ROCK2: variants seen among roughly 807,000 people sequenced by gnomAD.
ROCK2 encodes the protein Rho associated coiled-coil containing protein kinase 2.
Under a neutral mutation model 195.1 loss-of-function variants are expected in ROCK2, and 61 were observed. The observed-to-expected ratio is 0.31, with a 90% CI of 0.25 to 0.39. ROCK2 has a LOEUF of 0.39. Ranked by LOEUF, ROCK2 falls within the 10% of genes least tolerant of loss-of-function variation. ROCK2 has a pLI of 1.00. For missense variants in ROCK2, 1,109 were observed against 1,637.4 expected (o/e 0.68, Z 5.57); for synonymous variants, 504 against 545.5 (o/e 0.92, Z 1.06).
Position 11,182,898 on chromosome 2 carries a change from G to A in ROCK2, c.*539C>T, listed in dbSNP as rs1466234756. On this transcript the variant is annotated 3_prime_UTR_variant, in exon 33 of 33. Transcript: ENST00000315872. ...CAGCAAGTAATGATATCTGATTAAT[G>A]TGTATAAAAAATAAAGTGGGAAGTT... is the stretch of plus-strand genomic sequence containing the variant. 6.6e-6 allele frequency: 1 copy of A among 152,412 alleles called. No homozygotes were observed. Among genetic ancestry groups the A allele is most frequent in the East Asian group, 1.9e-4 (1 of 5,196 alleles). 9.4% of individuals were successfully genotyped at this position (152,412 alleles called of 1,614,324 possible).
At chr2:11,345,402 G>A (rs1482585559), upstream of ROCK2, among the ~76,000 whole-genome samples, 1 of 152,226 alleles carries the variant, frequency 6.6e-6, no homozygotes, top group East Asian at 1.9e-4. Flanking sequence ...TGCCCTCTCG[G>A]CGGCCGGTGC....
Position 11,236,024 on chromosome 2 carries a change from C to T in ROCK2, c.463-62G>A, listed in dbSNP as rs566008360. The stretch of plus-strand genomic sequence containing the variant: ...CCCAAACCAAAAATCATAATCAGAA[C>T]AAAAATTTAAAAAACTATTATTACT... On this transcript the variant is annotated intron_variant, in intron 4 of 32. Coordinates refer to ENST00000315872, the MANE Select transcript of ROCK2 (RefSeq NM_004850.5). 1.5e-5 allele frequency: 21 copies of T among 1,381,410 alleles called. No individual in the cohort carries two copies. The African/African-American group carries it at 1.9e-4, about 12-fold the overall frequency. The allele number at this position is 1,381,410 out of a possible 1,614,324, so 85.6% of individuals were successfully genotyped here. A position where few individuals can be genotyped will look rare whatever the true frequency, so the allele number is the denominator to read the frequency against.
chr2:11,233,110 A>G (rs1016395999), intron 5 of ROCK2, among the ~76,000 whole-genome samples: 1 of 152,166 alleles, frequency 6.6e-6, no homozygotes. Context: ...GCTACTCAGG[A>G]GGCTAAGGAG....
chr2:11,245,383 A>G (rs1248231065), intron 4 of ROCK2, among the ~76,000 whole-genome samples: 2 of 152,022 alleles, frequency 1.3e-5, no homozygotes, highest in African/African-American at 4.8e-5. Context: ...CACAGTTAAC[A>G]CCTTATTTCT....
intron 1 of ROCK2, among the ~76,000 whole-genome samples, chr2:11,331,677 A>T (rs1668770584): frequency 6.6e-6 from 1 of 152,186 alleles, no homozygotes; most frequent in South Asian, 2.1e-4. Context: ...CTGTAATCCC[A>T]GCACTTTGGG....
intron 1 of ROCK2, among the ~76,000 whole-genome samples, chr2:11,320,701 A>G (rs1306366080): frequency 6.6e-6 from 1 of 152,262 alleles, no homozygotes; most frequent in Non-Finnish European, 1.5e-5. Flanking sequence ...AACTTTCAAG[A>G]CACTGGATAT....
At chr2:11,221,386 C>A in intron 8 of ROCK2, 29 bp from the exon 9 acceptor site, 1 of 1,480,446 alleles carries the variant, frequency 6.8e-7, no homozygotes, top group South Asian at 1.4e-5. Flanking sequence ...TAAATTATTT[C>A]ATTCACAACC....
intron 1 of ROCK2, among the ~76,000 whole-genome samples, chr2:11,326,032 T>C (rs757424988): frequency 3.9e-5 from 6 of 151,904 alleles, no homozygotes; most frequent in East Asian, 1.9e-4. Flanking sequence ...TTTGGAGCAA[T>C]AGGGGAAAAA....
chr2:11,287,455 T>C (rs1317943781), intron 2 of ROCK2, among the ~76,000 whole-genome samples, 200 bp downstream of exon 2: 1 of 152,180 alleles, frequency 6.6e-6, no homozygotes, highest in Non-Finnish European at 1.5e-5. Flanking sequence ...TTTATCTGCT[T>C]TGCATATTGT....
chr2:11,227,731 C>T (rs535120179), intron 5 of ROCK2, among the ~76,000 whole-genome samples: 57 of 152,140 alleles, frequency 3.7e-4, no homozygotes, highest in Admixed American at 8.5e-4. Flanking sequence ...GAGGTTAGTA[C>T]AAAATGTGGT....
intron 3 of ROCK2, among the ~76,000 whole-genome samples, chr2:11,276,214 T>C (rs1666822063): frequency 6.6e-6 from 1 of 152,188 alleles, no homozygotes; most frequent in African/African-American, 2.4e-5. Flanking sequence ...CCAGAGAAAT[T>C]AGATAATAAA....
Position 11,192,475 on chromosome 2 carries a change from C to T in ROCK2, c.3925G>A (p.Glu1309Lys). The change falls in exon 31 of 33, where the codon GAG (glutamate) becomes AAG (lysine). Residue 1309 changes from glutamate to lysine, a missense_variant. Glu to Lys is a moderately conservative substitution (Grantham distance 56). Transcript: ENST00000315872. This position sits in a 1 kb window ranked among gnomAD's most constrained non-coding sequence, Gnocchi z 5.0. Reference protein sequence around the residue: ...KCHKDHMDKKEEIIAPCKVYY... With the variant: ...KCHKDHMDKKKEIIAPCKVYY... ...CCTTTGCAAGGTGCTATAATCTCCT[C>T]CTTTTTGTCCATATGATCTTTATGA... is the stretch of plus-strand genomic sequence containing the variant. 6.2e-7 allele frequency: 1 copy of T among 1,614,122 alleles called. No individual in the cohort carries two copies. The highest frequency in any genetic ancestry group is 8.5e-7 in the Non-Finnish European group (1 of 1,179,992).
At chr2:11,231,797 G>A (rs1665021533) in intron 5 of ROCK2, among the ~76,000 whole-genome samples, 1 of 152,020 alleles carries the variant, frequency 6.6e-6, no homozygotes, top group Non-Finnish European at 1.5e-5. Context: ...AATTCTGATA[G>A]TGACAAATCA....
intron 1 of ROCK2, among the ~76,000 whole-genome samples, chr2:11,315,567 T>G (rs1340671249): frequency 6.6e-6 from 1 of 152,136 alleles, no homozygotes; most frequent in Non-Finnish European, 1.5e-5. Flanking sequence ...GTTACTCTTA[T>G]AATCAGGAAT....
At chr2:11,254,900 T>C (rs1665968052) in intron 3 of ROCK2, among the ~76,000 whole-genome samples, 1 of 151,330 alleles carries the variant, frequency 6.6e-6, no homozygotes, top group Admixed American at 6.6e-5. Context: ...AAACACAGTT[T>C]GGAGGTTGTA....
intron 29 of ROCK2, 107 bp from the exon 30 acceptor site, chr2:11,193,964 T>C (rs937783976): frequency 9.9e-6 from 5 of 505,710 alleles, no homozygotes; most frequent in African/African-American, 2.0e-5. Context: ...CTTTGACCCA[T>C]GTTAGGAACT....
Position 11,201,092 on chromosome 2 carries a change from C to T in ROCK2, c.2775G>A (p.Glu925=). 3.7e-6 allele frequency: 6 copies of T among 1,613,356 alleles called. No homozygotes were observed. The highest frequency in any genetic ancestry group is 5.1e-6 in the Non-Finnish European group (6 of 1,179,766). Residue 925 remains glutamate, a synonymous_variant, in exon 23 of 33, where the codon GAG becomes GAA. Transcript: ENST00000315872. The surrounding 1 kb of genome is among the most constrained non-coding windows in gnomAD (Gnocchi z 4.6). ...CTTCAGCAATTGAACGAGCCAGTTG[C>T]TCAGAATCTGCTTTGGTCAAGGTGA... ...LEITLTKADS[E]QLARSIAEEQ...
chr2:11,281,983 G>A (rs1667020530), intron 3 of ROCK2, among the ~76,000 whole-genome samples: 1 of 152,240 alleles, frequency 6.6e-6, no homozygotes, highest in South Asian at 2.1e-4. Context: ...ACCCCAGTAA[G>A]TTATTTCACG....
intron 3 of ROCK2, among the ~76,000 whole-genome samples, chr2:11,266,651 C>A (rs1666425208): frequency 6.6e-6 from 1 of 152,190 alleles, no homozygotes; most frequent in African/African-American, 2.4e-5. Flanking sequence ...AAAGATGTGC[C>A]AAATGTGGAA....
Sources: gnomAD v4.1 joint callset for allele counts (sites outside exome capture counted in the v4.1 genomes callset) on GRCh38, gnomAD v4.1.1 for gene constraint, Gnocchi (gnomAD v3.1) non-coding constraint, MANE v1.5 for transcripts, NCBI Gene and HGNC (gene_info 2026-07-23, HGNC 2026-07-21) for gene names.